The following TEK variants were observed in gnomAD, a reference collection of about 807,000 sequenced individuals.
TEK encodes the protein TEK receptor tyrosine kinase.
A neutral mutation model predicts 131.8 loss-of-function variants in TEK; 43 were observed. The ratio of observed to expected loss-of-function variants is 0.33; its 90% CI spans 0.26 to 0.42. The LOEUF (loss-of-function observed/expected upper bound fraction) is 0.42. Among genes scored for constraint, TEK ranks in the 10% least tolerant of loss-of-function variants. TEK has a pLI of 1.00. For synonymous variants in TEK, 580 were observed against 491.6 expected (o/e 1.18, Z -2.38); for missense variants, 1,162 against 1,384.4 (o/e 0.84, Z 2.55).
chr9:27,229,487 A>G lies in TEK; in HGVS notation c.*255A>G. The G allele has an allele frequency of 5.9e-6, 3 of 507,446 alleles. No individual in the cohort carries two copies. The highest frequency in any genetic ancestry group is 1.1e-5 in the Non-Finnish European group (3 of 281,748). 31.4% of individuals were successfully genotyped at this position (507,446 alleles called of 1,614,324 possible). ...TTTGTGGTTTCATATGCAATAATAT[A>G]TTTTTTTAAAAATGTGGACTTCATA... On this transcript the variant is annotated 3_prime_UTR_variant, in exon 23 of 23. Transcript: ENST00000380036.
chr9:27,220,015 G>C, intron 20 of TEK, 34 bp from the exon 21 acceptor site: 1 of 1,605,524 alleles, frequency 6.2e-7, no homozygotes, highest in Non-Finnish European at 8.5e-7. Context: ...TTTCATGCCA[G>C]AGAGGACTTA....
At chr9:27,155,447 T>C (rs1302452355) in intron 1 of TEK, among the ~76,000 whole-genome samples, 1 of 152,236 alleles carries the variant, frequency 6.6e-6, no homozygotes, top group Admixed American at 6.5e-5. Flanking sequence ...TACAATAAAA[T>C]GCAGGTGTAA....
At chr9:27,174,337 C>T (rs2131152479) in intron 6 of TEK, among the ~76,000 whole-genome samples, 1 of 152,234 alleles carries the variant, frequency 6.6e-6, no homozygotes, top group South Asian at 2.1e-4. Context: ...AACAATGCTC[C>T]AGGGCAGAGC....
In TEK at chr9:27,157,922, G is replaced by A; in HGVS notation, c.144G>A (p.Gly48=). Residue 48 remains glycine (G), a synonymous_variant, in exon 2 of 23, where the codon GGG becomes GGA. Coordinates refer to ENST00000380036, the MANE Select transcript of TEK (RefSeq NM_000459.5). ...AETSLTCIAS[G]WRPHEPITIG... is the part of the protein sequence containing the mutation. ...CATCTCTCACCTGCATTGCCTCTGG[G>A]TGGCGCCCCCATGAGCCCATCACCA... 1 of 1,613,996 alleles carries A rather than the reference G, an allele frequency of 6.2e-7. No individual in the cohort carries two copies. Among genetic ancestry groups the A allele is most frequent in the Middle Eastern group, 1.6e-4 (1 of 6,062 alleles).
chr9:27,214,251 C>G (rs1422351619), intron 18 of TEK, among the ~76,000 whole-genome samples: 2 of 152,240 alleles, frequency 1.3e-5, no homozygotes, highest in Admixed American at 1.3e-4. Flanking sequence ...TACCGCATCC[C>G]TGCATGTTAC....
At chr9:27,150,833 A>G (rs971598390) in intron 1 of TEK, among the ~76,000 whole-genome samples, 1 of 151,058 alleles carries the variant, frequency 6.6e-6, no homozygotes, top group South Asian at 2.1e-4. Context: ...ATTCTAACTA[A>G]CACATGTGTT....
intron 12 of TEK, among the ~76,000 whole-genome samples, chr9:27,201,889 C>G (rs1174825241): frequency 6.6e-6 from 1 of 152,110 alleles, no homozygotes; most frequent in Admixed American, 6.5e-5. Flanking sequence ...AAATGTGGAT[C>G]ATAAAAAATC....
chr9:27,229,218 G>T lies in TEK; in HGVS notation c.3361G>T (p.Glu1121Ter). 6.2e-7 allele frequency: 1 copy of T among 1,613,810 alleles called. No homozygotes were observed. The highest frequency in any genetic ancestry group is 8.5e-7 in the Non-Finnish European group (1 of 1,179,734). The stretch of plus-strand genomic sequence containing the variant: ...TTATGCAGGAATTGACTGTTCTGCT[G>T]AAGAAGCGGCCTAGGACAGAACATC... ...FTYAGIDCSA[E>*]EAA is the part of the protein sequence containing the mutation. The change falls in exon 23 of 23, where the codon GAA (glutamate) becomes TAA (stop). Residue 1121 changes from glutamate (E) to a stop codon, truncating the protein, a stop_gained. Coordinates refer to ENST00000380036, the MANE Select transcript of TEK (RefSeq NM_000459.5). LOFTEE classifies it high-confidence loss of function.
chr9:27,229,179 T>C lies in TEK; in HGVS notation c.3322T>C (p.Tyr1108His). 1 of 1,613,838 alleles carries C rather than the reference T, an allele frequency of 6.2e-7. No individual in the cohort carries two copies. Among genetic ancestry groups the C allele is most frequent in the Non-Finnish European group, 8.5e-7 (1 of 1,179,734 alleles). ...ERKTYVNTTLYEKFTYAGIDC... is the reference protein window; with the variant it reads ...ERKTYVNTTLHEKFTYAGIDC... ...CCAGACCTACGTGAATACCACGCTTTATGAGAAGTTTACTTATGCAGGAAT... is the reference window on the plus strand; with the variant it reads ...CCAGACCTACGTGAATACCACGCTTCATGAGAAGTTTACTTATGCAGGAAT... Residue 1108 changes from tyrosine to histidine, a missense_variant, in exon 23 of 23, where the codon TAT becomes CAT. By Grantham distance (83) the Tyr-to-His change is moderately conservative. Coordinates refer to ENST00000380036, the MANE Select transcript of TEK (RefSeq NM_000459.5).
chr9:27,183,309 A>G (rs1435324502), intron 7 of TEK, 150 bp from the exon 8 acceptor site: 2 of 837,754 alleles, frequency 2.4e-6, no homozygotes, highest in African/African-American at 3.3e-5. Context: ...TATCATCCAC[A>G]TCACAGGTGT....
chr9:27,169,601 C>T lies in TEK; in HGVS notation c.600C>T (p.Thr200=). Residue 200 remains threonine, a synonymous_variant, in exon 4 of 23, where the codon ACC becomes ACT. Transcript: ENST00000380036. The part of the protein sequence containing the change: ...SARYIGGNLF[T]SAFTRLIVRR... Reference sequence around the variant, plus strand: ...GGTATATAGGAGGAAACCTCTTCACCTCGGCCTTCACCAGGCTGATAGTCC... The same window carrying T: ...GGTATATAGGAGGAAACCTCTTCACTTCGGCCTTCACCAGGCTGATAGTCC... 7 of 1,614,140 alleles carry T rather than the reference C, an allele frequency of 4.3e-6. No individual in the cohort carries two copies. Among genetic ancestry groups the T allele is most frequent in the Non-Finnish European group, 5.9e-6 (7 of 1,179,982 alleles).
At chr9:27,177,621 A>G (rs1228958702) in intron 6 of TEK, among the ~76,000 whole-genome samples, 1 of 152,182 alleles carries the variant, frequency 6.6e-6, no homozygotes, top group Admixed American at 6.5e-5. Context: ...ACGGTGGTGC[A>G]TGCCTTTAAT....
intron 1 of TEK, among the ~76,000 whole-genome samples, chr9:27,118,658 C>T (rs764061725): frequency 2.0e-5 from 3 of 152,106 alleles, no homozygotes; most frequent in Non-Finnish European, 4.4e-5. Flanking sequence ...CGGAAAATGG[C>T]GGCCATCCAT....
Position 27,212,819 on chromosome 9 carries a change from G to A in TEK, c.2799G>A (p.Ala933=), listed in dbSNP as rs372897403. 51 of 1,613,878 alleles carry A rather than the reference G, an allele frequency of 3.2e-5. No homozygotes were observed. Among genetic ancestry groups the A allele is most frequent in the South Asian group, 1.2e-4 (11 of 91,076 alleles). Reference sequence around the variant, plus strand: ...CATTTGCCATTGCCAATAGCACCGCGTCCACACTGTCCTCCCAGCAGCTCC... The same window carrying A: ...CATTTGCCATTGCCAATAGCACCGCATCCACACTGTCCTCCCAGCAGCTCC... ...DPAFAIANST[A]STLSSQQLLH... The change falls in exon 17 of 23, where the codon GCG becomes GCA. Residue 933 remains alanine, a synonymous_variant. Transcript: ENST00000380036.
chr9:27,191,221 T>G (rs1824808561), intron 10 of TEK, among the ~76,000 whole-genome samples: 1 of 152,052 alleles, frequency 6.6e-6, no homozygotes, highest in African/African-American at 2.4e-5. Flanking sequence ...TGTGGCAGAC[T>G]GGAATGGGCT....
intron 1 of TEK, among the ~76,000 whole-genome samples, chr9:27,144,524 G>A (rs573417913): frequency 4.9e-4 from 75 of 152,186 alleles, no homozygotes; most frequent in Non-Finnish European, 9.1e-4. Context: ...CCTGCAGTTT[G>A]ATAGAGGAAA....
At chr9:27,193,730 T>C (rs1402359375) in intron 11 of TEK, among the ~76,000 whole-genome samples, 1 of 152,186 alleles carries the variant, frequency 6.6e-6, no homozygotes, top group East Asian at 1.9e-4. Flanking sequence ...ATCTTCCCTA[T>C]TTTACAGATT....
At chr9:27,195,826 G>A in intron 11 of TEK, 1 of 403,188 alleles carries the variant, frequency 2.5e-6, no homozygotes, top group South Asian at 1.9e-5. Context: ...AGGTGAACTT[G>A]GAGAGATTAT....
intron 1 of TEK, among the ~76,000 whole-genome samples, chr9:27,142,970 T>G (rs759103419): frequency 5.9e-5 from 9 of 152,234 alleles, no homozygotes; most frequent in Non-Finnish European, 1.0e-4. Flanking sequence ...CGTGTGTCAT[T>G]GAAACACTGC....
Sources: gnomAD v4.1 joint callset for allele counts (sites outside exome capture counted in the v4.1 genomes callset) on GRCh38, gnomAD v4.1.1 for gene constraint, MANE v1.5 for transcripts, NCBI Gene and HGNC (gene_info 2026-07-23, HGNC 2026-07-21) for gene names.